TMEM132D: variants seen among roughly 807,000 people sequenced by gnomAD.
TMEM132D encodes the protein mature OL transmembrane protein.
TMEM132D carries 21 observed loss-of-function variants against 62.3 expected under a neutral mutation model. The observed-to-expected ratio is 0.34, with a 90% confidence interval of 0.24 to 0.49. The LOEUF (loss-of-function observed/expected upper bound fraction) is 0.49, where lower values mean the gene tolerates loss of function less well. Ranked by LOEUF, TMEM132D falls within the 20% of genes least tolerant of loss-of-function variation. The pLI is 0.99. For synonymous variants in TMEM132D, 621 were observed against 575.6 expected (o/e 1.08, Z -1.13); for missense variants, 1,346 against 1,402.8 (o/e 0.96, Z 0.65).
intron 1 of TMEM132D, among the ~76,000 whole-genome samples, chr12:129,795,439 A>G (rs1177561520): frequency 6.6e-6 from 1 of 152,240 alleles, no homozygotes; most frequent in Non-Finnish European, 1.5e-5. Context: ...ATAAATATTT[A>G]AAAAATTTAA....
At chr12:129,408,059 G>A (rs1015397793) in intron 3 of TMEM132D, among the ~76,000 whole-genome samples, 7 of 151,950 alleles carry the variant, frequency 4.6e-5, no homozygotes, top group South Asian at 4.2e-4. Context: ...GCGTCCCTCC[G>A]TCTGCCTGTA....
At chr12:129,770,161 T>TTTTTTGATTA (rs1870693522) in intron 1 of TMEM132D, among the ~76,000 whole-genome samples, 1 of 147,780 alleles carries the variant, frequency 6.8e-6, no homozygotes, top group African/African-American at 2.5e-5. Flanking sequence ...TTTTTTTTTT[T>TTTTTTGATTA]GAGATCAGAT....
At chr12:129,605,120 A>C (rs1878580053) in intron 2 of TMEM132D, among the ~76,000 whole-genome samples, 3 of 152,130 alleles carry the variant, frequency 2.0e-5, no homozygotes, top group African/African-American at 7.2e-5. Flanking sequence ...CTCATTTTTA[A>C]ATGTTCTCAT....
chr12:129,531,661 C>T (rs1876229666), intron 2 of TMEM132D, among the ~76,000 whole-genome samples: 1 of 152,160 alleles, frequency 6.6e-6, no homozygotes. Flanking sequence ...ATTATCTGAT[C>T]TTCCTAGCAA....
intron 1 of TMEM132D, among the ~76,000 whole-genome samples, chr12:129,783,329 G>A (rs551810277): frequency 6.6e-6 from 1 of 152,272 alleles, no homozygotes; most frequent in South Asian, 2.1e-4. Context: ...AAACACACTA[G>A]AAAAAGTCTC....
At chr12:129,310,236 A>G (rs1443799670) in intron 4 of TMEM132D, among the ~76,000 whole-genome samples, 2 of 152,190 alleles carry the variant, frequency 1.3e-5, no homozygotes, top group Non-Finnish European at 2.9e-5. Flanking sequence ...AGGTGGCAGG[A>G]ACCAGGTCAG....
intron 3 of TMEM132D, among the ~76,000 whole-genome samples, chr12:129,403,746 A>G (rs571854048): frequency 1.3e-4 from 20 of 152,242 alleles, no homozygotes; most frequent in Middle Eastern, 3.4e-3. Flanking sequence ...AAAACTAGTA[A>G]ATGATAGCAG....
intron 4 of TMEM132D, among the ~76,000 whole-genome samples, chr12:129,285,921 T>A (rs12320268): frequency 0.069 from 10,462 of 152,284 alleles, 608 homozygotes; most frequent in East Asian, 0.22. Context: ...CAGTGTGTTG[T>A]CGTAACTTTA....
chr12:129,241,399 A>G (rs2135584477), intron 4 of TMEM132D, among the ~76,000 whole-genome samples: 1 of 152,230 alleles, frequency 6.6e-6, no homozygotes, highest in South Asian at 2.1e-4. Context: ...GCTCTTCTCC[A>G]TACACACCGG....
At chr12:129,537,708 G>T (rs1421817916) in intron 2 of TMEM132D, among the ~76,000 whole-genome samples, 6 of 152,190 alleles carry the variant, frequency 3.9e-5, no homozygotes, top group Admixed American at 2.6e-4. Context: ...AGAACAGTTC[G>T]AGGAGACCAA....
At chr12:129,360,987 C>G (rs961858850) in intron 3 of TMEM132D, among the ~76,000 whole-genome samples, 1 of 152,136 alleles carries the variant, frequency 6.6e-6, no homozygotes, top group Admixed American at 6.5e-5. Context: ...TATCTAGAAA[C>G]ACAAACGCAG....
At chr12:129,526,587 C>T (rs1410548904) in intron 3 of TMEM132D, among the ~76,000 whole-genome samples, 1 of 152,154 alleles carries the variant, frequency 6.6e-6, no homozygotes, top group Non-Finnish European at 1.5e-5. Context: ...CCAGCCTCTT[C>T]TTTCTTTAGA....
At chr12:129,647,116 A>G (rs1286384142) in intron 2 of TMEM132D, among the ~76,000 whole-genome samples, 1 of 37,202 alleles carries the variant, frequency 2.7e-5, no homozygotes, top group African/African-American at 5.6e-5. Flanking sequence ...TTTTATACAT[A>G]CATACATATA....
At chr12:129,395,609 AAATG>A (rs1306577838) in intron 3 of TMEM132D, among the ~76,000 whole-genome samples, 11 of 151,810 alleles carry the variant, frequency 7.2e-5, no homozygotes, top group African/African-American at 2.2e-4. Flanking sequence ...TGTGGATTGC[AAATG>A]AATATATATA....
At chr12:129,683,269 C>A (rs1172930266) in intron 2 of TMEM132D, among the ~76,000 whole-genome samples, 2 of 152,158 alleles carry the variant, frequency 1.3e-5, no homozygotes, top group South Asian at 4.1e-4. Flanking sequence ...AAATTAAATT[C>A]TCTTATAAAC....
chr12:129,674,303 A>G (rs969739402), intron 2 of TMEM132D, among the ~76,000 whole-genome samples: 1 of 152,166 alleles, frequency 6.6e-6, no homozygotes, highest in African/African-American at 2.4e-5. Flanking sequence ...TGGCAAATAA[A>G]ATGGATAAAT....
chr12:129,100,531 T>C (rs1266079987), intron 5 of TMEM132D, among the ~76,000 whole-genome samples: 1 of 152,222 alleles, frequency 6.6e-6, no homozygotes, highest in Non-Finnish European at 1.5e-5. Flanking sequence ...TGGCAGTGAA[T>C]GTGCAGAACT....
chr12:129,192,641 A>C (rs776829520), intron 5 of TMEM132D, among the ~76,000 whole-genome samples: 3 of 152,162 alleles, frequency 2.0e-5, no homozygotes, highest in Non-Finnish European at 4.4e-5. Flanking sequence ...ATTAATCTTT[A>C]TTCTCTTGTA....
intron 3 of TMEM132D, among the ~76,000 whole-genome samples, chr12:129,444,244 G>A (rs897899231): frequency 6.6e-6 from 1 of 152,130 alleles, no homozygotes; most frequent in African/African-American, 2.4e-5. Context: ...TGTGACAAAA[G>A]CAAAAATTGA....
Sources: gnomAD v4.1 joint callset for allele counts (sites outside exome capture counted in the v4.1 genomes callset) on GRCh38, gnomAD v4.1.1 for gene constraint, MANE v1.5 for transcripts, NCBI Gene and HGNC (gene_info 2026-07-23, HGNC 2026-07-21) for gene names.